The following ZNF675 variants were observed in gnomAD, a reference collection of about 807,000 sequenced individuals.
ZNF675 encodes the protein TRAF6 inhibitory zinc finger.
In ZNF675, 36 loss-of-function variants were observed where a neutral mutation model predicts 56.1. The ratio of observed to expected loss-of-function variants is 0.64; its 90% CI spans 0.49 to 0.85. The LOEUF is 0.85. Among genes scored for constraint, ZNF675 ranks in the 40% least tolerant of loss-of-function variants. The pLI is 0.00. For synonymous variants in ZNF675, 200 were observed against 218.9 expected (o/e 0.91, Z 0.76); for missense variants, 663 against 654.2 (o/e 1.01, Z -0.15).
At chr19:23,668,893 C>T (rs1246337694) in intron 1 of ZNF675, among the ~76,000 whole-genome samples, 1 of 152,188 alleles carries the variant, frequency 6.6e-6, no homozygotes, top group Admixed American at 6.5e-5. Context: ...AGCCCCGGTT[C>T]CCGCTCGCGC....
chr19:23,657,256 A>G (rs1967997720), intron 3 of ZNF675: 1 of 152,306 alleles, frequency 6.6e-6, no homozygotes, highest in Non-Finnish European at 1.5e-5. Flanking sequence ...ACACACTTCA[A>G]TAGATTTTAG....
chr19:23,666,642 C>G (rs764366749), intron 1 of ZNF675, among the ~76,000 whole-genome samples: 24 of 152,182 alleles, frequency 1.6e-4, no homozygotes, highest in Non-Finnish European at 3.1e-4. Flanking sequence ...GGCCAAGAAT[C>G]TGGACAACTT....
chr19:23,674,631 G>C (rs1348181359), intron 1 of ZNF675, among the ~76,000 whole-genome samples: 6 of 150,720 alleles, frequency 4.0e-5, no homozygotes, highest in African/African-American at 1.5e-4. Context: ...AAAAAAAAAG[G>C]AGAGAGATAA....
chr19:23,676,742 T>C (rs1368222416), intron 1 of ZNF675, among the ~76,000 whole-genome samples: 2 of 151,752 alleles, frequency 1.3e-5, no homozygotes, highest in African/African-American at 4.9e-5. Context: ...GCCAACATAC[T>C]GAATAGATAC....
intron 3 of ZNF675, chr19:23,661,862 C>A: frequency 2.8e-6 from 1 of 359,960 alleles, no homozygotes; most frequent in Non-Finnish European, 5.1e-6. Flanking sequence ...CTCTTGTATG[C>A]CATGAAGCGG....
chr19:23,669,152 A>C (rs1968196089), intron 1 of ZNF675, among the ~76,000 whole-genome samples: 1 of 152,156 alleles, frequency 6.6e-6, no homozygotes, highest in Non-Finnish European at 1.5e-5. Flanking sequence ...AGATGTTGGT[A>C]ATTGAGTGGA....
At chr19:23,675,951 C>T (rs986102172) in intron 1 of ZNF675, among the ~76,000 whole-genome samples, 5 of 136,306 alleles carry the variant, frequency 3.7e-5, no homozygotes, top group African/African-American at 1.4e-4. Flanking sequence ...AAATAAACCA[C>T]TAGCTAGATT....
intron 1 of ZNF675, among the ~76,000 whole-genome samples, chr19:23,677,686 AAC>A (rs994315161): frequency 1.5e-5 from 2 of 129,034 alleles, no homozygotes; most frequent in Admixed American, 8.8e-5. Flanking sequence ...CAGCCTGGGC[AAC>A]AGAGTGAGAC....
intron 1 of ZNF675, among the ~76,000 whole-genome samples, chr19:23,668,133 G>A (rs1968178916): frequency 6.8e-6 from 1 of 147,620 alleles, no homozygotes; most frequent in South Asian, 2.2e-4. Context: ...CACAAACCCT[G>A]AGGAGCTAGA....
intron 3 of ZNF675, among the ~76,000 whole-genome samples, chr19:23,657,526 G>C (rs1233364330): frequency 6.6e-5 from 10 of 152,160 alleles, no homozygotes; most frequent in Admixed American, 6.5e-4. Flanking sequence ...AGACCAGCCT[G>C]ACCACATGGA....
intron 1 of ZNF675, among the ~76,000 whole-genome samples, chr19:23,679,099 G>A (rs1438843896): frequency 2.0e-5 from 3 of 146,858 alleles, no homozygotes; most frequent in African/African-American, 5.1e-5. Flanking sequence ...CTCGGGAGGC[G>A]GAGCTTGCAG....
At position 23,653,469 on chromosome 19, in the gene ZNF675, A is replaced by C. The variant is rs1315871932; in HGVS notation, c.1464T>G (p.Ala488=). Reference sequence around the variant, plus strand: ...TAGTAAGGGATGAGGAGTGTTTAAAAGCTTTGCCACATTCTTCACACTTGT... The same window carrying C: ...TAGTAAGGGATGAGGAGTGTTTAAACGCTTTGCCACATTCTTCACACTTGT... The part of the protein sequence containing the change: ...IPYKCEECGK[A]FKHSSSLTTH... The change falls in exon 4 of 4, where the codon GCT becomes GCG. Residue 488 remains alanine, a synonymous_variant. Coordinates refer to ENST00000359788, the MANE Select transcript of ZNF675 (RefSeq NM_138330.3). 6.2e-7 allele frequency: 1 copy of C among 1,613,260 alleles called. No homozygotes were observed. Among genetic ancestry groups the C allele is most frequent in the Non-Finnish European group, 8.5e-7 (1 of 1,179,934 alleles).
At chr19:23,669,095 C>G (rs767394060) in intron 1 of ZNF675, among the ~76,000 whole-genome samples, 1 of 152,200 alleles carries the variant, frequency 6.6e-6, no homozygotes. Context: ...CCTCTCAAGA[C>G]CTTTTCCTTT....
intron 1 of ZNF675, among the ~76,000 whole-genome samples, chr19:23,664,658 T>C (rs773771493): frequency 4.6e-5 from 7 of 152,114 alleles, no homozygotes. Context: ...GGCACTTAAT[T>C]AAAACAACAT....
chr19:23,668,619 C>T (rs896964761), intron 1 of ZNF675, among the ~76,000 whole-genome samples: 1 of 152,238 alleles, frequency 6.6e-6, no homozygotes, highest in Non-Finnish European at 1.5e-5. Flanking sequence ...CAGGAACCCA[C>T]GGAGGCGAGG....
intron 3 of ZNF675, chr19:23,656,602 A>C (rs1276980354): frequency 2.3e-5 from 3 of 132,336 alleles, no homozygotes; most frequent in Non-Finnish European, 4.7e-5. Context: ...ATCTCAAAAA[A>C]ACAAAAAAGG....
intron 1 of ZNF675, among the ~76,000 whole-genome samples, chr19:23,665,019 A>T (rs1001301989): frequency 1.3e-5 from 2 of 151,948 alleles, no homozygotes; most frequent in African/African-American, 4.8e-5. Context: ...GGGCACAAGT[A>T]GATATTTCTG....
At position 23,686,881 on chromosome 19, in the gene ZNF675, T is replaced by C. The variant is rs546261799; in HGVS notation, c.3+150A>G. The C allele has an allele frequency of 1.2e-4, 110 of 935,532 alleles. No individual in the cohort carries two copies. In the South Asian group the frequency reaches 1.4e-3, roughly 12 times the overall value. The allele number at this position is 935,532 out of a possible 1,614,324, so 58.0% of individuals were successfully genotyped here. ...TGTCAGCGCGCCGCCATCTTATGGCTGCAGGGGACTGAGCCGAGCTGGGGA... is the reference window on the plus strand; with the variant it reads ...TGTCAGCGCGCCGCCATCTTATGGCCGCAGGGGACTGAGCCGAGCTGGGGA... On this transcript the variant is annotated intron_variant, in intron 1 of 3. Coordinates refer to ENST00000359788, the MANE Select transcript of ZNF675 (RefSeq NM_138330.3).
intron 3 of ZNF675, among the ~76,000 whole-genome samples, chr19:23,660,590 C>T (rs547839781): frequency 6.6e-6 from 1 of 152,164 alleles, no homozygotes; most frequent in South Asian, 2.1e-4. Flanking sequence ...GAGAAAAAAA[C>T]TTATTTACAA....
Sources: gnomAD v4.1 joint callset for allele counts (sites outside exome capture counted in the v4.1 genomes callset) on GRCh38, gnomAD v4.1.1 for gene constraint, MANE v1.5 for transcripts, NCBI Gene and HGNC (gene_info 2026-07-23, HGNC 2026-07-21) for gene names.